TENM3: variants seen among roughly 807,000 people sequenced by gnomAD.
TENM3 encodes the protein teneurin transmembrane protein 3, also known as teneurin-3.
TENM3 carries 63 observed loss-of-function variants against 255.1 expected under a neutral mutation model. The observed-to-expected ratio is 0.25, with a 90% CI of 0.20 to 0.30. TENM3 has a LOEUF of 0.30. Among genes scored for constraint, TENM3 ranks in the 10% least tolerant of loss-of-function variants. The probability of loss-of-function intolerance (pLI) is 1.00; values close to 1 mark genes in which losing one functional copy is unlikely to be tolerated. For missense variants in TENM3, 2,929 were observed against 3,461.1 expected (o/e 0.85, Z 3.86); for synonymous variants, 1,306 against 1,322.3 (o/e 0.99, Z 0.27).
chr4:182,604,429 A>G (rs186214406), intron 4 of TENM3, among the ~76,000 whole-genome samples: 1 of 152,310 alleles, frequency 6.6e-6, no homozygotes. Flanking sequence ...TATACTTTGG[A>G]TTATTCACTT....
At chr4:181,448,491 G>A in the TENM3 span, among the ~76,000 whole-genome samples, 1 of 152,038 alleles carries the variant, frequency 6.6e-6, no homozygotes, top group Non-Finnish European at 1.5e-5. Context: ...AATTATTAAT[G>A]GGAATTTTAT....
chr4:182,427,009 A>G (rs1057291914), intron 3 of TENM3, among the ~76,000 whole-genome samples: 3 of 152,050 alleles, frequency 2.0e-5, no homozygotes, highest in African/African-American at 7.2e-5. Context: ...CTTATTTTCA[A>G]AATCTTTTTG....
At chr4:182,277,923 A>T (rs997761020) in intron 1 of TENM3, among the ~76,000 whole-genome samples, 10 of 152,214 alleles carry the variant, frequency 6.6e-5, no homozygotes, top group Non-Finnish European at 7.3e-5. Context: ...CAGGGAGAGG[A>T]CAAGGAGTTA....
At chr4:181,720,126 AG>A in the TENM3 span, among the ~76,000 whole-genome samples, 1 of 152,212 alleles carries the variant, frequency 6.6e-6, no homozygotes, top group South Asian at 2.1e-4. Flanking sequence ...TCAAATATTC[AG>A]CAACAAATAC....
At chr4:181,953,234 C>T in the TENM3 span, among the ~76,000 whole-genome samples, 7 of 150,504 alleles carry the variant, frequency 4.7e-5, no homozygotes, top group Non-Finnish European at 5.9e-5. Context: ...TTATTATGTG[C>T]GATTTGGATA....
At chr4:181,822,161 A>AC in the TENM3 span, among the ~76,000 whole-genome samples, 49 of 151,202 alleles carry the variant, frequency 3.2e-4, no homozygotes, top group South Asian at 8.0e-3. Flanking sequence ...CCTCCCTCAC[A>AC]CCCCCCCACT....
intron 4 of TENM3, among the ~76,000 whole-genome samples, chr4:182,604,459 A>G (rs1218476408): frequency 1.3e-5 from 2 of 152,206 alleles, no homozygotes; most frequent in Admixed American, 1.3e-4. Context: ...TGGAGAGCCT[A>G]TAGCTTGCCC....
chr4:182,332,502 G>T (rs949266621), intron 2 of TENM3, among the ~76,000 whole-genome samples: 4 of 152,088 alleles, frequency 2.6e-5, no homozygotes, highest in African/African-American at 7.2e-5. Context: ...AGACCAGCCT[G>T]GCCAACATGG....
chr4:182,724,003 C>T (rs1759964489), intron 13 of TENM3, among the ~76,000 whole-genome samples: 1 of 152,152 alleles, frequency 6.6e-6, no homozygotes, highest in South Asian at 2.1e-4. Flanking sequence ...GAAAAGCTAA[C>T]GAGAGCAATA....
At chr4:182,553,524 TATA>T (rs1742280308) in intron 3 of TENM3, among the ~76,000 whole-genome samples, 1 of 150,952 alleles carries the variant, frequency 6.6e-6, no homozygotes, top group Non-Finnish European at 1.5e-5. Context: ...GAACTTAAAG[TATA>T]ATAATAATAA....
chr4:182,358,208 T>C (rs1485341573), intron 3 of TENM3, among the ~76,000 whole-genome samples: 1 of 149,268 alleles, frequency 6.7e-6, no homozygotes, highest in South Asian at 2.2e-4. Flanking sequence ...CGGGCTCTTT[T>C]TTGGTTCCAT....
At chr4:182,543,224 T>G (rs376082818) in intron 3 of TENM3, among the ~76,000 whole-genome samples, 1 of 79,596 alleles carries the variant, frequency 1.3e-5, no homozygotes, top group Non-Finnish European at 3.4e-5. Context: ...GAGGGATGCA[T>G]GGATGCATGG....
At chr4:182,124,883 G>A in the TENM3 span, among the ~76,000 whole-genome samples, 1 of 152,224 alleles carries the variant, frequency 6.6e-6, no homozygotes, top group Non-Finnish European at 1.5e-5. Context: ...AAATCTCACT[G>A]TCCAGCTGGG....
Position 182,615,119 on chromosome 4 carries a change from GA to G in TENM3, c.750-13531del, listed in dbSNP as rs761713490. ...AGATACGTAAAGTGAAAAGAGATTA[GA>G]GATTATATTTGTGTGTGTGTGTGCT... On this transcript the variant is annotated intron_variant, in intron 4 of 27. Transcript: ENST00000511685. 1.1e-3 allele frequency among the ~76,000 whole-genome samples: 166 copies of G among 146,618 alleles called. 1 individual carries two copies. The highest frequency in any genetic ancestry group is 3.8e-3 in the Middle Eastern group (1 of 264).
chr4:182,497,890 C>G (rs1294454889), intron 3 of TENM3, among the ~76,000 whole-genome samples: 2 of 125,104 alleles, frequency 1.6e-5, no homozygotes, highest in Non-Finnish European at 3.2e-5. Context: ...ATATCTCAAC[C>G]TAGATGTATA....
chr4:182,171,039 A>G (rs1385122447), intron 1 of TENM3, among the ~76,000 whole-genome samples: 3 of 152,200 alleles, frequency 2.0e-5, no homozygotes, highest in African/African-American at 7.2e-5. Flanking sequence ...TTTAAAAATC[A>G]AAGAAATTTT....
chr4:182,274,866 C>A (rs969301161), intron 1 of TENM3, among the ~76,000 whole-genome samples: 1 of 152,056 alleles, frequency 6.6e-6, no homozygotes, highest in Non-Finnish European at 1.5e-5. Context: ...CTCTGTCGCC[C>A]AGGCTAGGGT....
chr4:182,605,909 G>C (rs1202721049), intron 4 of TENM3, among the ~76,000 whole-genome samples: 1 of 152,176 alleles, frequency 6.6e-6, no homozygotes, highest in Admixed American at 6.5e-5. Flanking sequence ...CAGGCAAAGA[G>C]GGACGTGTGA....
chr4:181,835,639 A>G, the TENM3 span, among the ~76,000 whole-genome samples: 1 of 152,228 alleles, frequency 6.6e-6, no homozygotes, highest in Non-Finnish European at 1.5e-5. Flanking sequence ...TTGCATATTC[A>G]GCTAAAATCT....
Sources: gnomAD v4.1 joint callset for allele counts (sites outside exome capture counted in the v4.1 genomes callset) on GRCh38, gnomAD v4.1.1 for gene constraint, MANE v1.5 for transcripts, NCBI Gene and HGNC (gene_info 2026-07-23, HGNC 2026-07-21) for gene names.